Variants in FXR1 observed in about 807,000 individuals in gnomAD.
FXR1 encodes FMR1 autosomal homolog 1, also known as RNA-binding protein FXR1.
In FXR1, 15 loss-of-function variants were observed where a neutral mutation model predicts 84.0. The ratio of observed to expected loss-of-function variants is 0.18; its 90% confidence interval spans 0.12 to 0.27. FXR1 has a LOEUF of 0.27. Among genes scored for constraint, FXR1 ranks in the 10% least tolerant of loss-of-function variants. The pLI is 1.00. For synonymous variants in FXR1, 245 were observed against 250.7 expected, an observed-to-expected ratio of 0.98 and a Z score of 0.21; for missense variants, 480 against 774.4, an observed-to-expected ratio of 0.62 and a Z score of 4.51.
chr3:180,931,744 T>G (rs1296120272), intron 1 of FXR1, among the ~76,000 whole-genome samples: 1 of 146,904 alleles, frequency 6.8e-6, no homozygotes, highest in Non-Finnish European at 1.5e-5. Context: ...TGTGGGTTTT[T>G]TTTTTTTTTT....
At chr3:180,939,669 A>G (rs1298896332) in intron 3 of FXR1, among the ~76,000 whole-genome samples, 1 of 152,180 alleles carries the variant, frequency 6.6e-6, no homozygotes, top group African/African-American at 2.4e-5. Flanking sequence ...AACTGTGTGA[A>G]TACTTTATTA....
chr3:180,919,834 C>G (rs916515295), intron 1 of FXR1, among the ~76,000 whole-genome samples: 2 of 151,636 alleles, frequency 1.3e-5, no homozygotes, highest in African/African-American at 4.8e-5. Flanking sequence ...CCACCACGCC[C>G]GGCTGATTTT....
intron 1 of FXR1, chr3:180,927,587 G>T (rs1719375917): frequency 3.4e-6 from 2 of 586,256 alleles, no homozygotes; most frequent in African/African-American, 2.0e-5. Context: ...GCTATATTCT[G>T]TAATTTCAAA....
At chr3:180,914,962 T>G (rs1717702250) in intron 1 of FXR1, 1 of 982,648 alleles carries the variant, frequency 1.0e-6, no homozygotes. Flanking sequence ...TGGAAAAGAG[T>G]CCTGGATTTG....
intron 1 of FXR1, among the ~76,000 whole-genome samples, chr3:180,914,411 T>C (rs1184297163): frequency 1.3e-5 from 2 of 152,114 alleles, no homozygotes; most frequent in Non-Finnish European, 2.9e-5. Flanking sequence ...TTTGGCCCTG[T>C]AGTTCTTGTA....
chr3:180,925,024 C>T (rs1357509906), intron 1 of FXR1, among the ~76,000 whole-genome samples: 2 of 152,120 alleles, frequency 1.3e-5, no homozygotes, highest in Non-Finnish European at 2.9e-5. Flanking sequence ...CTCAAAATAT[C>T]TTCCTCAGTG....
At chr3:180,927,983 C>T (rs2108436122) in intron 1 of FXR1, among the ~76,000 whole-genome samples, 1 of 152,020 alleles carries the variant, frequency 6.6e-6, no homozygotes, top group South Asian at 2.1e-4. Flanking sequence ...GGGTAGTATA[C>T]TTTTATCAAA....
intron 1 of FXR1, among the ~76,000 whole-genome samples, chr3:180,931,430 G>A (rs1719886399): frequency 6.6e-6 from 1 of 152,082 alleles, no homozygotes; most frequent in Non-Finnish European, 1.5e-5. Context: ...TGTTGGCCAG[G>A]CTGGTCTCGA....
At chr3:180,950,898 C>T (rs1442874931) in intron 7 of FXR1, among the ~76,000 whole-genome samples, 1 of 152,040 alleles carries the variant, frequency 6.6e-6, no homozygotes, top group Non-Finnish European at 1.5e-5. Context: ...GTAAATAATG[C>T]TATGAACATG....
At chr3:180,925,460 A>G (rs1022545892) in intron 1 of FXR1, among the ~76,000 whole-genome samples, 6 of 151,700 alleles carry the variant, frequency 4.0e-5, no homozygotes, top group African/African-American at 1.5e-4. Context: ...TCTAGATTTT[A>G]TCAGAAGGTG....
chr3:180,932,257 A>G (rs1720026577), intron 1 of FXR1, among the ~76,000 whole-genome samples: 1 of 152,040 alleles, frequency 6.6e-6, no homozygotes, highest in African/African-American at 2.4e-5. Flanking sequence ...ACATGTGTTT[A>G]TATAGCTAGT....
intron 1 of FXR1, among the ~76,000 whole-genome samples, chr3:180,925,569 A>G (rs552936775): frequency 3.3e-5 from 5 of 152,274 alleles, no homozygotes; most frequent in South Asian, 2.1e-4. Flanking sequence ...ATCAGGTGCC[A>G]CAGAAAATCG....
intron 8 of FXR1, among the ~76,000 whole-genome samples, chr3:180,952,269 T>C (rs1448814400): frequency 6.6e-6 from 1 of 152,194 alleles, no homozygotes; most frequent in African/African-American, 2.4e-5. Context: ...GGAGTTTTTT[T>C]TGAATGACAA....
Position 180,977,205 on chromosome 3 carries a change from G to T in FXR1, c.*913G>T, listed in dbSNP as rs1165984818. The T allele has an allele frequency of 1.3e-5, 2 of 151,844 alleles. No homozygotes were observed. The highest frequency in any genetic ancestry group is 4.2e-4 in the South Asian group (2 of 4,816). 9.4% of individuals were successfully genotyped at this position (151,844 alleles called of 1,614,324 possible). On this transcript the variant is annotated 3_prime_UTR_variant, in exon 17 of 17. Transcript: ENST00000357559. ...TTTTTACACCAATTGTTGCAAAATA[G>T]TTGGAGCTATTAATAGGCTTAGGAT...
chr3:180,932,195 G>A (rs900295357), intron 1 of FXR1, among the ~76,000 whole-genome samples: 2 of 151,764 alleles, frequency 1.3e-5, no homozygotes, highest in Non-Finnish European at 2.9e-5. Flanking sequence ...TTTTGGGAAG[G>A]AGTGAGATAA....
At position 180,959,151 on chromosome 3, in the gene FXR1, A is replaced by G. The variant is rs114565763; in HGVS notation, c.990+1223A>G. On this transcript the variant is annotated intron_variant, in intron 10 of 16. Transcript: ENST00000357559. ...ATCCCCTTAACGCTTTTACGTTGCT[A>G]TAGAATCTGAAAGTATTGACCATTT... is the stretch of plus-strand genomic sequence containing the variant. Among the ~76,000 whole-genome samples, 441 of 152,266 alleles carry G rather than the reference A, an allele frequency of 2.9e-3. 1 individual carries two copies. The highest frequency in any genetic ancestry group is 4.6e-3 in the Non-Finnish European group (313 of 68,020).
Position 180,912,722 on chromosome 3 carries a change from G to C in FXR1, c.37G>C (p.Gly13Arg). The change falls in exon 1 of 17, where the codon GGG becomes CGG. Residue 13 changes from glycine (G) to arginine (R), a missense_variant. Around this residue, in one of 6 missense-constraint regions of FXR1, gnomAD observed 54 missense variants for 74.2 expected, o/e 0.73. Coordinates refer to ENST00000357559, the MANE Select transcript of FXR1 (RefSeq NM_005087.4). ...GACGGTGGAGGTTCGCGGCTCTAAC[G>C]GGGCTTTCTACAAGGTACTGACCGT... Reference protein sequence around the residue: ...ELTVEVRGSNGAFYKGFIKDV... With the variant: ...ELTVEVRGSNRAFYKGFIKDV... 3 of 1,614,022 alleles carry C rather than the reference G, an allele frequency of 1.9e-6. No homozygotes were observed. The highest frequency in any genetic ancestry group is 1.7e-6 in the Non-Finnish European group (2 of 1,179,994).
chr3:180,977,921 T>G lies in FXR1; in HGVS notation c.*1629T>G, dbSNP rs1393224495. 2 of 152,014 alleles carry G rather than the reference T, an allele frequency of 1.3e-5. No homozygotes were observed. The highest frequency in any genetic ancestry group is 4.8e-5 in the African/African-American group (2 of 41,426). 9.4% of individuals were successfully genotyped at this position (152,014 alleles called of 1,614,324 possible). ...GTTAAAATGTGCTGGTATTACGTGC[T>G]TTTTCCTGAGGCCTTCTGATTGGTT... is the stretch of plus-strand genomic sequence containing the variant. On this transcript the variant is annotated 3_prime_UTR_variant, in exon 17 of 17. Coordinates refer to ENST00000357559, the MANE Select transcript of FXR1 (RefSeq NM_005087.4).
At chr3:180,934,656 T>C (rs988999281) in intron 2 of FXR1, among the ~76,000 whole-genome samples, 4 of 152,228 alleles carry the variant, frequency 2.6e-5, no homozygotes, top group African/African-American at 7.2e-5. Flanking sequence ...TCTGTGAACA[T>C]GTATACTAAA....
Sources: gnomAD v4.1 joint callset for allele counts (sites outside exome capture counted in the v4.1 genomes callset) on GRCh38, gnomAD v4.1.1 for gene constraint, gnomAD v4.1.1 regional missense constraint, MANE v1.5 for transcripts, NCBI Gene and HGNC (gene_info 2026-07-23, HGNC 2026-07-21) for gene names.